Variants in SLC35F1 observed in about 807,000 individuals in gnomAD.
SLC35F1 encodes solute carrier family 35 member F1, also known as chromosome 6 open reading frame 169.
SLC35F1 carries 14 observed loss-of-function variants against 48.7 expected under a neutral mutation model. That is an observed-to-expected ratio of 0.29 (90% CI 0.19 to 0.45). SLC35F1 has a LOEUF of 0.45. SLC35F1 is among the 20% of genes least tolerant of loss of function. The pLI, the probability that SLC35F1 is intolerant of heterozygous loss-of-function variation, is 1.00. For missense variants in SLC35F1, 404 were observed against 500.0 expected (o/e 0.81, Z 1.83); for synonymous variants, 190 against 202.2 (o/e 0.94, Z 0.51).
intron 6 of SLC35F1, among the ~76,000 whole-genome samples, chr6:118,282,590 C>T (rs1201060609): frequency 6.6e-6 from 1 of 152,196 alleles, no homozygotes; most frequent in Non-Finnish European, 1.5e-5. Context: ...CCCTACTGGA[C>T]AGATCCTTTT....
At chr6:118,099,914 T>A (rs960024502) in intron 1 of SLC35F1, among the ~76,000 whole-genome samples, 1 of 152,164 alleles carries the variant, frequency 6.6e-6, no homozygotes, top group African/African-American at 2.4e-5. Context: ...AAAGAAGAGA[T>A]AAAATACATT....
At chr6:118,191,887 C>T (rs1008396540) in intron 2 of SLC35F1, among the ~76,000 whole-genome samples, 8 of 152,032 alleles carry the variant, frequency 5.3e-5, no homozygotes, top group South Asian at 2.1e-4. Flanking sequence ...ATTGTTTTTC[C>T]AAGAATATGG....
At chr6:117,953,068 C>T (rs897315888) in intron 1 of SLC35F1, among the ~76,000 whole-genome samples, 3 of 152,170 alleles carry the variant, frequency 2.0e-5, no homozygotes, top group African/African-American at 7.2e-5. Context: ...TGTAAAGATA[C>T]TCATTGAGGG....
intron 1 of SLC35F1, among the ~76,000 whole-genome samples, chr6:118,001,821 A>G (rs1447326577): frequency 1.3e-5 from 2 of 152,060 alleles, no homozygotes; most frequent in African/African-American, 2.4e-5. Context: ...AAAAGAAGAC[A>G]TTTATGCAGC....
intron 2 of SLC35F1, among the ~76,000 whole-genome samples, chr6:118,173,396 CA>C (rs553395021): frequency 6.3e-5 from 7 of 110,780 alleles, no homozygotes; most frequent in African/African-American, 3.0e-4. Context: ...AAAAAAAAAA[CA>C]AAAAACAAAA....
In SLC35F1 at chr6:117,999,543, A is replaced by C; in HGVS notation, c.173+91644A>C. 3 of 675,710 alleles carry C rather than the reference A, an allele frequency of 4.4e-6. No homozygotes were observed. In the East Asian group the frequency reaches 7.9e-5, roughly 18 times the overall value. The allele number at this position is 675,710 out of a possible 1,614,324, so 41.9% of individuals were successfully genotyped here. A position where few individuals can be genotyped will look rare whatever the true frequency, so the allele number is the denominator to read the frequency against. ...CATGGGGCTGGGGTCCTCCTGTGCT[A>C]TTTGTACAAATAAACCTGAGGCAGG... is the stretch of plus-strand genomic sequence containing the variant. On this transcript the variant is annotated intron_variant, in intron 1 of 7. Transcript: ENST00000360388.
At chr6:117,997,917 CACA>C (rs1409134197) in intron 1 of SLC35F1, among the ~76,000 whole-genome samples, 23 of 152,112 alleles carry the variant, frequency 1.5e-4, no homozygotes, top group African/African-American at 5.3e-4. Flanking sequence ...CAAATTCACA[CACA>C]ACAATATTAA....
At chr6:118,017,344 T>A (rs1008627281) in intron 1 of SLC35F1, among the ~76,000 whole-genome samples, 7 of 152,122 alleles carry the variant, frequency 4.6e-5, no homozygotes, top group Non-Finnish European at 8.8e-5. Flanking sequence ...AAACTTTTTT[T>A]TGTCCTTTTT....
intron 2 of SLC35F1, among the ~76,000 whole-genome samples, chr6:118,232,162 G>A (rs1317849848): frequency 6.6e-6 from 1 of 152,176 alleles, no homozygotes; most frequent in Non-Finnish European, 1.5e-5. Flanking sequence ...TGACTACCAA[G>A]ACAATTCTGC....
chr6:118,027,482 C>G (rs1201709113), intron 1 of SLC35F1, among the ~76,000 whole-genome samples: 1 of 152,124 alleles, frequency 6.6e-6, no homozygotes, highest in Non-Finnish European at 1.5e-5. Flanking sequence ...TTTAGCCCTT[C>G]TAATAGGCTT....
At chr6:118,147,159 C>T (rs1195490257) in intron 1 of SLC35F1, among the ~76,000 whole-genome samples, 1 of 152,158 alleles carries the variant, frequency 6.6e-6, no homozygotes, top group East Asian at 1.9e-4. Flanking sequence ...GACTGCTTCA[C>T]AGTGCATTCT....
chr6:118,245,046 TAA>T (rs1775489671), intron 3 of SLC35F1, among the ~76,000 whole-genome samples: 1 of 152,206 alleles, frequency 6.6e-6, no homozygotes, highest in Non-Finnish European at 1.5e-5. Context: ...TCTGGAAATG[TAA>T]AGATAACTAA....
chr6:118,190,765 A>G (rs931674188), intron 2 of SLC35F1, among the ~76,000 whole-genome samples: 2 of 152,192 alleles, frequency 1.3e-5, no homozygotes, highest in Non-Finnish European at 2.9e-5. Flanking sequence ...CAGAGCTCCC[A>G]TAAACCAAAC....
At chr6:118,301,680 T>A (rs754098668) in intron 7 of SLC35F1, among the ~76,000 whole-genome samples, 1 of 152,204 alleles carries the variant, frequency 6.6e-6, no homozygotes, top group Non-Finnish European at 1.5e-5. Flanking sequence ...GATATAGATA[T>A]ATTGGTAGGC....
At position 118,070,738 on chromosome 6, in the gene SLC35F1, T is replaced by G. The variant is rs559435356; in HGVS notation, c.174-83707T>G. On this transcript the variant is annotated intron_variant, in intron 1 of 7. Transcript: ENST00000360388. ...CATCTACAGTACTAACTTCTTATGA[T>G]AGATGAATACTTAGATTTTTTTACA... 6.0e-5 allele frequency among the ~76,000 whole-genome samples: 9 copies of G among 150,320 alleles called. No individual in the cohort carries two copies. In the East Asian group the frequency reaches 1.6e-3, roughly 26 times the overall value.
chr6:117,956,895 A>G (rs1327972203), intron 1 of SLC35F1, among the ~76,000 whole-genome samples: 1 of 152,198 alleles, frequency 6.6e-6, no homozygotes, highest in Admixed American at 6.5e-5. Context: ...AAAGTCAGGC[A>G]TTTGTCATAA....
chr6:118,235,091 A>G (rs1249028337), intron 2 of SLC35F1, among the ~76,000 whole-genome samples: 2 of 151,270 alleles, frequency 1.3e-5, no homozygotes, highest in Non-Finnish European at 2.9e-5. Context: ...GCCAAGCACA[A>G]GCCTTTTTCT....
chr6:118,197,600 T>C (rs1774819405), intron 2 of SLC35F1, among the ~76,000 whole-genome samples: 1 of 152,270 alleles, frequency 6.6e-6, no homozygotes, highest in South Asian at 2.1e-4. Flanking sequence ...CTTACGAAAA[T>C]TGATCTCCTG....
chr6:118,055,362 A>G (rs956216312), intron 1 of SLC35F1, among the ~76,000 whole-genome samples: 6 of 152,154 alleles, frequency 3.9e-5, no homozygotes, highest in African/African-American at 1.4e-4. Context: ...TTGGCAAATT[A>G]TTTAGTCAGG....
Sources: allele counts gnomAD v4.1 joint callset (sites outside exome capture counted in the v4.1 genomes callset), GRCh38; gene constraint gnomAD v4.1.1; transcripts MANE v1.5; gene names NCBI Gene and HGNC (gene_info 2026-07-23, HGNC 2026-07-21).